DGKB: variants seen among roughly 807,000 people sequenced by gnomAD.
The protein encoded by DGKB is diacylglycerol kinase beta.
Under a neutral mutation model 114.3 loss-of-function variants are expected in DGKB, and 67 were observed. The observed-to-expected ratio is 0.59, with a 90% confidence interval of 0.48 to 0.72. The LOEUF is 0.72. DGKB is among the 30% of genes least tolerant of loss of function. The pLI is 0.00. For synonymous variants in DGKB, 398 were observed against 323.1 expected (o/e 1.23, Z -2.49); for missense variants, 907 against 975.2 (o/e 0.93, Z 0.93).
intron 12 of DGKB, among the ~76,000 whole-genome samples, chr7:14,675,499 C>T (rs1200042619): frequency 6.6e-6 from 1 of 151,958 alleles, no homozygotes; most frequent in African/African-American, 2.4e-5. Flanking sequence ...AATAGATGAG[C>T]TTACCAGAGT....
rs1005940035 is a variant in DGKB at position 14,685,374 on chromosome 7, G to A, written c.712-12C>T. 9 of 1,585,532 alleles carry A rather than the reference G, an allele frequency of 5.7e-6. No individual in the cohort carries two copies. The highest frequency in any genetic ancestry group is 3.3e-4 in the Middle Eastern group (2 of 6,032). On this transcript the variant is annotated splice_polypyrimidine_tract_variant and intron_variant, in intron 9 of 25. Transcript: ENST00000402815. ...TCATCCTTCACGTTCTGCATGGGACGTAAGAGAAACAGATTTCACTTAATG... is the reference window on the plus strand; with the variant it reads ...TCATCCTTCACGTTCTGCATGGGACATAAGAGAAACAGATTTCACTTAATG...
intron 1 of DGKB, among the ~76,000 whole-genome samples, chr7:14,898,635 A>C (rs943703832): frequency 6.6e-6 from 1 of 152,102 alleles, no homozygotes; most frequent in African/African-American, 2.4e-5. Flanking sequence ...CACCACATTC[A>C]AAAATCAATC....
chr7:14,288,291 T>A lies in DGKB; in HGVS notation c.2122+50224A>T, dbSNP rs1213808673. On this transcript the variant is annotated intron_variant, in intron 23 of 25. Transcript: ENST00000402815. ...AAAAGAAACAAACTACCCTGAGTTT[T>A]TTTTTTTTTTTTTTACTGATATAGC... is the stretch of plus-strand genomic sequence containing the variant. 3.2e-3 allele frequency among the ~76,000 whole-genome samples: 424 copies of A among 134,370 alleles called. 2 individuals are homozygous for A. The highest frequency in any genetic ancestry group is 3.9e-3 in the Non-Finnish European group (248 of 64,108). 88.2% of individuals were successfully genotyped at this position (134,370 alleles called of 152,430 possible).
intron 10 of DGKB, among the ~76,000 whole-genome samples, chr7:14,685,006 A>G (rs978375526): frequency 1.3e-5 from 2 of 152,210 alleles, no homozygotes; most frequent in African/African-American, 2.4e-5. Context: ...TACAGTGGAA[A>G]GAAAATTGCT....
At chr7:14,631,126 C>T (rs1369515099) in intron 13 of DGKB, among the ~76,000 whole-genome samples, 1 of 151,458 alleles carries the variant, frequency 6.6e-6, no homozygotes, top group African/African-American at 2.4e-5. Flanking sequence ...TCAGAATTCC[C>T]TTTTCCTCCC....
At chr7:14,462,262 C>G (rs1003749009) in intron 21 of DGKB, among the ~76,000 whole-genome samples, 2 of 152,120 alleles carry the variant, frequency 1.3e-5, no homozygotes, top group African/African-American at 4.8e-5. Context: ...CCAGGGCAAT[C>G]AGGCAAGAGA....
intron 20 of DGKB, among the ~76,000 whole-genome samples, chr7:14,484,033 G>GTTT (rs200501740): frequency 8.5e-5 from 12 of 141,258 alleles, no homozygotes; most frequent in Admixed American, 3.5e-4. Flanking sequence ...TTCATGTAGG[G>GTTT]TTTTTTTTTT....
chr7:14,311,232 T>C (rs1325691083), intron 23 of DGKB, among the ~76,000 whole-genome samples: 2 of 152,156 alleles, frequency 1.3e-5, no homozygotes, highest in African/African-American at 4.8e-5. Flanking sequence ...AGATAGTAAG[T>C]AGAGTTTTGG....
intron 2 of DGKB, among the ~76,000 whole-genome samples, chr7:14,803,732 G>C (rs1842461231): frequency 6.6e-6 from 1 of 152,086 alleles, no homozygotes; most frequent in Non-Finnish European, 1.5e-5. Flanking sequence ...TGGCTTCTGA[G>C]GATAGATAAA....
intron 2 of DGKB, among the ~76,000 whole-genome samples, chr7:14,767,258 AAG>A (rs1836598138): frequency 6.6e-6 from 1 of 151,934 alleles, no homozygotes; most frequent in South Asian, 2.1e-4. Flanking sequence ...TTTAGTGGGT[AAG>A]AGAGAATGCA....
chr7:14,969,827 C>G (rs1787358070), intron 1 of DGKB, among the ~76,000 whole-genome samples: 1 of 152,184 alleles, frequency 6.6e-6, no homozygotes, highest in African/African-American at 2.4e-5. Context: ...CATTACTAAA[C>G]TGAATGCTGT....
At chr7:14,335,225 C>A (rs1810433033) in intron 23 of DGKB, among the ~76,000 whole-genome samples, 2 of 151,868 alleles carry the variant, frequency 1.3e-5, no homozygotes, top group South Asian at 4.1e-4. Context: ...ACTTAATGCT[C>A]CAAACCTGAT....
intron 23 of DGKB, among the ~76,000 whole-genome samples, chr7:14,218,294 C>G (rs1789332162): frequency 6.6e-6 from 1 of 152,064 alleles, no homozygotes; most frequent in African/African-American, 2.4e-5. Flanking sequence ...CTTAACTTAG[C>G]TATGATACTT....
At chr7:14,393,150 A>C (rs1047098711) in intron 21 of DGKB, among the ~76,000 whole-genome samples, 8 of 151,262 alleles carry the variant, frequency 5.3e-5, no homozygotes, top group East Asian at 1.9e-4. Context: ...CCACCTTGCC[A>C]GGCTAATTTT....
chr7:14,401,986 A>C (rs1034203041), intron 21 of DGKB, among the ~76,000 whole-genome samples: 1 of 123,640 alleles, frequency 8.1e-6, no homozygotes, highest in South Asian at 2.6e-4. Flanking sequence ...ACACACACAC[A>C]CCCGCTATTC....
rs151082584 is a variant in DGKB at position 14,381,358 on chromosome 7, G to A, written c.1836-35967C>T. Reference sequence around the variant, plus strand: ...GGCCTGAGATAATAATTTGAATAACGGACTTATTGAAGGCTTAGTGAATGT... The same window carrying A: ...GGCCTGAGATAATAATTTGAATAACAGACTTATTGAAGGCTTAGTGAATGT... On this transcript the variant is annotated intron_variant, in intron 21 of 25. Transcript: ENST00000402815. Among the ~76,000 whole-genome samples, 111 of 152,236 alleles carry A rather than the reference G, an allele frequency of 7.3e-4. 1 individual carries two copies. Among genetic ancestry groups the A allele is most frequent in the African/African-American group, 2.5e-3 (102 of 41,534 alleles).
intron 20 of DGKB, among the ~76,000 whole-genome samples, chr7:14,501,005 C>A (rs1720341140): frequency 6.6e-6 from 1 of 151,678 alleles, no homozygotes; most frequent in Admixed American, 6.6e-5. Context: ...AGTTTTAAGG[C>A]AAAATTTACA....
In DGKB at chr7:14,493,925, TACACAC is replaced by T. The variant is rs372780599; in HGVS notation, c.1771-15706_1771-15701del. Among the ~76,000 whole-genome samples, 288 of 137,712 alleles carry T rather than the reference TACACAC, an allele frequency of 2.1e-3. 2 individuals carry two copies. The highest frequency in any genetic ancestry group is 7.0e-3 in the African/African-American group (263 of 37,586). The allele number at this position is 137,712 out of a possible 152,430, so 90.3% of individuals were successfully genotyped here. ...AAATACCATGGCTATCATGGTATCATACACACACACACACACACACACACACACACA... is the reference window on the plus strand; with the variant it reads ...AAATACCATGGCTATCATGGTATCATACACACACACACACACACACACACA... On this transcript the variant is annotated intron_variant, in intron 20 of 25. Coordinates refer to ENST00000402815, the MANE Select transcript of DGKB (RefSeq NM_001350709.2).
intron 1 of DGKB, among the ~76,000 whole-genome samples, chr7:14,960,084 C>T (rs1047346376): frequency 2.0e-5 from 3 of 151,002 alleles, no homozygotes; most frequent in Non-Finnish European, 4.5e-5. Flanking sequence ...AGAAATGTAC[C>T]TCAGTGTGAC....
Sources: gnomAD v4.1 joint callset for allele counts (sites outside exome capture counted in the v4.1 genomes callset) on GRCh38, gnomAD v4.1.1 for gene constraint, MANE v1.5 for transcripts, NCBI Gene and HGNC (gene_info 2026-07-23, HGNC 2026-07-21) for gene names.